The following MAP3K4 variants were observed in gnomAD, a reference collection of about 807,000 sequenced individuals.
MAP3K4 encodes the protein mitogen-activated protein kinase kinase kinase 4.
Under a neutral mutation model 185.6 loss-of-function variants are expected in MAP3K4, and 67 were observed. The ratio of observed to expected loss-of-function variants is 0.36; its 90% CI spans 0.30 to 0.44. The LOEUF (loss-of-function observed/expected upper bound fraction) is 0.44, where lower values mean the gene tolerates loss of function less well. Ranked by LOEUF, MAP3K4 falls within the 20% of genes least tolerant of loss-of-function variation. The pLI is 1.00. For missense variants in MAP3K4, 1,551 were observed against 1,995.1 expected (o/e 0.78, Z 4.24); for synonymous variants, 702 against 710.4 (o/e 0.99, Z 0.19).
intron 5 of MAP3K4, among the ~76,000 whole-genome samples, chr6:161,079,679 A>G (rs754276036): frequency 6.6e-6 from 1 of 152,182 alleles, no homozygotes; most frequent in Non-Finnish European, 1.5e-5. Flanking sequence ...GGAGCTCACC[A>G]AGAAGTGAAA....
chr6:161,058,738 C>T (rs1784356451), intron 3 of MAP3K4, among the ~76,000 whole-genome samples: 1 of 151,876 alleles, frequency 6.6e-6, no homozygotes, highest in Non-Finnish European at 1.5e-5. Context: ...GTGTTGTCTA[C>T]TTTGGATCTG....
chr6:161,052,018 A>T (rs1288721867), intron 3 of MAP3K4, among the ~76,000 whole-genome samples: 1 of 152,048 alleles, frequency 6.6e-6, no homozygotes, highest in Non-Finnish European at 1.5e-5. Context: ...TGATCTGCGG[A>T]TGCATATCCC....
intron 1 of MAP3K4, among the ~76,000 whole-genome samples, chr6:161,012,492 A>G (rs1247351341): frequency 6.6e-6 from 1 of 152,222 alleles, no homozygotes; most frequent in Non-Finnish European, 1.5e-5. Context: ...TCTGGTGCAG[A>G]ACTGTAATAA....
intron 1 of MAP3K4, among the ~76,000 whole-genome samples, chr6:160,993,471 ACT>A (rs1354653352): frequency 2.0e-5 from 3 of 152,148 alleles, no homozygotes; most frequent in African/African-American, 7.2e-5. Context: ...GTCCTGTTAT[ACT>A]CTCTTTTTGA....
At chr6:160,992,194 C>G in intron 1 of MAP3K4, 111 bp downstream of exon 1, 1 of 1,360,936 alleles carries the variant, frequency 7.3e-7, no homozygotes. Flanking sequence ...GGGAAGCATC[C>G]AGTCTCTGCA....
At chr6:161,013,247 C>T (rs1482820507) in intron 1 of MAP3K4, among the ~76,000 whole-genome samples, 1 of 152,122 alleles carries the variant, frequency 6.6e-6, no homozygotes, top group Non-Finnish European at 1.5e-5. Context: ...GGACAGTTTT[C>T]ATGTTTCACT....
intron 1 of MAP3K4, among the ~76,000 whole-genome samples, chr6:161,011,335 A>G (rs1294459643): frequency 6.6e-6 from 1 of 152,158 alleles, no homozygotes; most frequent in Non-Finnish European, 1.5e-5. Context: ...CTTTTTTTCT[A>G]TAAAGTTAAA....
intron 3 of MAP3K4, among the ~76,000 whole-genome samples, chr6:161,060,842 A>G (rs1003087437): frequency 2.1e-4 from 32 of 152,114 alleles, no homozygotes; most frequent in African/African-American, 7.7e-4. Flanking sequence ...CCCGGTCTCA[A>G]ACTCTGACCT....
At chr6:160,995,357 A>G (rs13437252) in intron 1 of MAP3K4, among the ~76,000 whole-genome samples, 4,288 of 152,260 alleles carry the variant, frequency 0.028, 136 homozygotes, top group African/African-American at 0.076. Flanking sequence ...CACATACTTT[A>G]TGTCTGTGTG....
At chr6:161,065,077 G>T (rs1784647526) in intron 3 of MAP3K4, among the ~76,000 whole-genome samples, 1 of 152,208 alleles carries the variant, frequency 6.6e-6, no homozygotes, top group Non-Finnish European at 1.5e-5. Context: ...GAACCAGTCT[G>T]TGTGTAGCTG....
intron 1 of MAP3K4, among the ~76,000 whole-genome samples, chr6:160,995,418 G>C (rs951640272): frequency 6.6e-6 from 1 of 152,204 alleles, no homozygotes; most frequent in East Asian, 1.9e-4. Context: ...TAGAATTCAG[G>C]CCTGTACATG....
rs1784871356 is a variant in MAP3K4, at chr6:161,070,067, C to T, written c.1708-541C>T. ...GTCATGCCAACCAGGTTGATCTTAACGATTTTTTAATTTTTCTGTCAGCAT... is the reference window on the plus strand; with the variant it reads ...GTCATGCCAACCAGGTTGATCTTAATGATTTTTTAATTTTTCTGTCAGCAT... On this transcript the variant is annotated intron_variant, in intron 3 of 26. Transcript: ENST00000392142. The surrounding 1 kb of genome is among the most constrained non-coding windows in gnomAD (Gnocchi z 4.5). Among the ~76,000 whole-genome samples the T allele has an allele frequency of 2.6e-5, 4 of 152,136 alleles. No homozygotes were observed. The highest frequency in any genetic ancestry group is 4.1e-4 in the South Asian group (2 of 4,834).
chr6:161,031,293 G>A (rs2115156429), intron 1 of MAP3K4, among the ~76,000 whole-genome samples: 1 of 152,278 alleles, frequency 6.6e-6, no homozygotes, highest in East Asian at 1.9e-4. Flanking sequence ...TGACAGTACA[G>A]CCACATTAAT....
chr6:161,003,658 G>A (rs1397581067), intron 1 of MAP3K4, among the ~76,000 whole-genome samples: 1 of 152,148 alleles, frequency 6.6e-6, no homozygotes, highest in Non-Finnish European at 1.5e-5. Flanking sequence ...GAAGCAGCAA[G>A]GTAGAACGAA....
At chr6:161,047,539 C>T (rs1312684056) in intron 2 of MAP3K4, among the ~76,000 whole-genome samples, 1 of 152,036 alleles carries the variant, frequency 6.6e-6, no homozygotes, top group Non-Finnish European at 1.5e-5. Flanking sequence ...ATGAAATAAA[C>T]TATGCCTTGA....
At position 161,067,846 on chromosome 6, in the gene MAP3K4, A is replaced by T. The variant is rs372829069; in HGVS notation, c.1708-2762A>T. Among the ~76,000 whole-genome samples the T allele has an allele frequency of 3.9e-5, 6 of 152,232 alleles. No homozygotes were observed. Among genetic ancestry groups the T allele is most frequent in the Admixed American group, 2.0e-4 (3 of 15,288 alleles). On this transcript the variant is annotated intron_variant, in intron 3 of 26. Coordinates refer to ENST00000392142, the MANE Select transcript of MAP3K4 (RefSeq NM_005922.4). This position sits in a 1 kb window ranked among gnomAD's most constrained non-coding sequence, Gnocchi z 6.3. Reference sequence around the variant, plus strand: ...ATCTCAGTTATGCCAAGTATATGTTATTCTTTTTGAAAATCAAAACATCCA... The same window carrying T: ...ATCTCAGTTATGCCAAGTATATGTTTTTCTTTTTGAAAATCAAAACATCCA...
At position 161,100,319 on chromosome 6, in the gene MAP3K4, C is replaced by T. The variant is rs1207894897; in HGVS notation, c.3675-1573C>T. ...CAGAATGACACCAGTGTGTGCATCC[C>T]TGCCACAGCCATGGGGTGTAGCCCT... On this transcript the variant is annotated intron_variant, in intron 17 of 26. Coordinates refer to ENST00000392142, the MANE Select transcript of MAP3K4 (RefSeq NM_005922.4). This position sits in a 1 kb window ranked among gnomAD's most constrained non-coding sequence, Gnocchi z 5.8. Among the ~76,000 whole-genome samples, 1 of 152,254 alleles carries T rather than the reference C, an allele frequency of 6.6e-6. No individual in the cohort carries two copies.
At chr6:161,102,305 A>G (rs769523662) in intron 18 of MAP3K4, among the ~76,000 whole-genome samples, 7 of 152,240 alleles carry the variant, frequency 4.6e-5, no homozygotes, top group African/African-American at 7.2e-5. Context: ...TACAAAAGTG[A>G]CACTGTGTTT....
chr6:161,073,098 T>G lies in MAP3K4; in HGVS notation c.1951-368T>G, dbSNP rs1397226050. On this transcript the variant is annotated intron_variant, in intron 4 of 26. Transcript: ENST00000392142. This position sits in a 1 kb window ranked among gnomAD's most constrained non-coding sequence, Gnocchi z 4.2. ...ATGTTTTTGATCATTAGGAGGTTTT[T>G]CTTTCTCACATTTCTTGTAATGTAA... 6.6e-6 allele frequency among the ~76,000 whole-genome samples: 1 copy of G among 152,200 alleles called. No homozygotes were observed.
Sources: allele counts gnomAD v4.1 joint callset (sites outside exome capture counted in the v4.1 genomes callset), GRCh38; gene constraint gnomAD v4.1.1; non-coding constraint Gnocchi (gnomAD v3.1); transcripts MANE v1.5; gene names NCBI Gene and HGNC (gene_info 2026-07-23, HGNC 2026-07-21).